NBPF14: variants seen among roughly 807,000 people sequenced by gnomAD.
NBPF14 encodes the protein NBPF member 14, also known as NBPF family member NBPF14.
A neutral mutation model predicts 91.2 loss-of-function variants in NBPF14; 104 were observed. The ratio of observed to expected loss-of-function variants is 1.14; its 90% CI spans 0.97 to 1.34. NBPF14 has a LOEUF of 1.34. NBPF14 is among the 40% of genes most tolerant of loss of function. The pLI is 0.00. For synonymous variants in NBPF14, 294 were observed against 303.8 expected, an observed-to-expected ratio of 0.97 and a Z score of 0.34; for missense variants, 908 against 783.0, an observed-to-expected ratio of 1.16 and a Z score of -1.91.
intron 14 of NBPF14, among the ~76,000 whole-genome samples, chr1:148,577,606 A>G (rs1205541530): frequency 7.3e-5 from 11 of 149,890 alleles, no homozygotes; most frequent in Non-Finnish European, 1.5e-4. Flanking sequence ...AGGTCAGTCA[A>G]TTGGTCAGGT....
intron 69 of NBPF14, among the ~76,000 whole-genome samples, 200 bp from the exon 70 acceptor site, chr1:148,534,169 G>C (rs1323940659): frequency 6.7e-6 from 1 of 148,770 alleles, no homozygotes; most frequent in Admixed American, 6.9e-5. Context: ...TGGGTAAAAT[G>C]TCCCTATTCT....
intron 60 of NBPF14, 96 bp downstream of exon 60, chr1:148,541,635 G>A: frequency 9.3e-5 from 1 of 10,722 alleles, no homozygotes; most frequent in Non-Finnish European, 1.4e-4. Flanking sequence ...TTCAGCCTTC[G>A]CTGAAAACAT....
intron 70 of NBPF14, among the ~76,000 whole-genome samples, chr1:148,533,456 G>C (rs1374025898): frequency 2.0e-5 from 3 of 149,918 alleles, no homozygotes; most frequent in African/African-American, 7.6e-5. Context: ...GAGAGAGAGA[G>C]ACAGAGACAG....
intron 28 of NBPF14, among the ~76,000 whole-genome samples, 185 bp from the exon 29 acceptor site, chr1:148,566,500 GA>G (rs1294139397): frequency 1.7e-5 from 2 of 120,148 alleles, no homozygotes; most frequent in African/African-American, 6.9e-5. Context: ...GAATGAAAGA[GA>G]AAGACAGACA....
At chr1:148,590,040 C>T (rs1200505977) in intron 6 of NBPF14, among the ~76,000 whole-genome samples, 60 of 76,308 alleles carry the variant, frequency 7.9e-4, no homozygotes, top group African/African-American at 2.7e-3. Context: ...CAGAGACTTA[C>T]TTTTTTTTTT....
At position 148,534,630 on chromosome 1, in the gene NBPF14, C is replaced by T. The variant is rs1322849997; in HGVS notation, c.8614+54G>A. ...AGGGCCACTTGGAATAGGAATATCA[C>T]CCCTATCTGGAAGACCAGGTGGAGG... On this transcript the variant is annotated intron_variant, in intron 69 of 70. Transcript: ENST00000619423. 2.7e-5 allele frequency: 24 copies of T among 895,154 alleles called. No individual in the cohort carries two copies. In the African/African-American group the frequency reaches 3.3e-4, roughly 12 times the overall value. The allele number at this position is 895,154 out of a possible 1,614,324, so 55.5% of individuals were successfully genotyped here.
At chr1:148,534,270 T>G (rs1553332118) in intron 69 of NBPF14, among the ~76,000 whole-genome samples, 1 of 151,730 alleles carries the variant, frequency 6.6e-6, no homozygotes, top group Admixed American at 6.6e-5. Flanking sequence ...ATACCCTCAA[T>G]GATTTCTAGG....
At position 148,586,702 on chromosome 1, in the gene NBPF14, T is replaced by C. The variant is rs1288861826; in HGVS notation, c.1092-233A>G. ...CTCGATGATGTTCCATTCATCTTTC[T>C]CTTCTGTAAACAAAAGTAGGTGTCT... On this transcript the variant is annotated intron_variant, in intron 8 of 70. Coordinates refer to ENST00000619423, the Ensembl canonical transcript of NBPF14. 4.1e-5 allele frequency among the ~76,000 whole-genome samples: 6 copies of C among 145,112 alleles called. 1 individual carries two copies. The highest frequency in any genetic ancestry group is 7.7e-5 in the Non-Finnish European group (5 of 65,022).
intron 16 of NBPF14, among the ~76,000 whole-genome samples, chr1:148,576,050 G>C (rs1263040606): frequency 1.4e-5 from 2 of 146,550 alleles, no homozygotes; most frequent in South Asian, 2.2e-4. Flanking sequence ...TCAGCGAATT[G>C]GCCGGGTGAC....
At chr1:148,533,546 C>A (rs1276065468) in intron 70 of NBPF14, among the ~76,000 whole-genome samples, 1 of 149,966 alleles carries the variant, frequency 6.7e-6, no homozygotes, top group Non-Finnish European at 1.5e-5. Flanking sequence ...AGTTAGTGCC[C>A]TCATGACACA....
At chr1:148,577,714 A>G (rs1436595213) in intron 14 of NBPF14, among the ~76,000 whole-genome samples, 75 of 135,946 alleles carry the variant, frequency 5.5e-4, no homozygotes, top group Non-Finnish European at 7.1e-4. Flanking sequence ...ATAATTTTGC[A>G]TAAAATGTGC....
At chr1:148,559,596 AAG>A (rs1486603246) in intron 37 of NBPF14, among the ~76,000 whole-genome samples, 195 bp downstream of exon 37, 3 of 123,948 alleles carry the variant, frequency 2.4e-5, no homozygotes, top group Admixed American at 2.4e-4. Context: ...TGAGACTAGG[AAG>A]AGAGCCTTGC....
intron 25 of NBPF14, among the ~76,000 whole-genome samples, chr1:148,568,928 A>G (rs1404633193): frequency 6.8e-6 from 1 of 146,582 alleles, no homozygotes; most frequent in Non-Finnish European, 1.5e-5. Context: ...CTGAAATTAG[A>G]GTGAAGGATG....
chr1:148,589,610 T>A lies in NBPF14; in HGVS notation c.779-217A>T. Reference sequence around the variant, plus strand: ...AACCAGGACATAAACACTTCTACACTTTTCTTGCTTATACGTTTCTATAAA... The same window carrying A: ...AACCAGGACATAAACACTTCTACACATTTCTTGCTTATACGTTTCTATAAA... On this transcript the variant is annotated intron_variant, in intron 6 of 70. Transcript: ENST00000619423. 6.9e-5 allele frequency among the ~76,000 whole-genome samples: 6 copies of A among 87,474 alleles called. 2 individuals carry two copies. The Middle Eastern group carries it at 0.025, about 368-fold the overall frequency. 57.4% of individuals were successfully genotyped at this position (87,474 alleles called of 152,430 possible). A position where few individuals can be genotyped will look rare whatever the true frequency, so the allele number is the denominator to read the frequency against.
intron 68 of NBPF14, among the ~76,000 whole-genome samples, 152 bp from the exon 69 acceptor site, chr1:148,535,008 T>A (rs1384784275): frequency 2.0e-5 from 3 of 147,112 alleles, no homozygotes; most frequent in Admixed American, 6.7e-5. Flanking sequence ...TATGTTGGGA[T>A]AGACCAGGGC....
rs1459046964 is a variant in NBPF14, at chr1:148,536,046, A to T, written c.8389+178T>A. Among the ~76,000 whole-genome samples, 12 of 149,826 alleles carry T rather than the reference A, an allele frequency of 8.0e-5. No individual in the cohort carries two copies. In the South Asian group the frequency reaches 1.3e-3, roughly 16 times the overall value. ...ACTAGGAAGAGAGCCTTGCTCACTG[A>T]CCCATCCCTTGTCTGGGCTTCCAAG... On this transcript the variant is annotated intron_variant, in intron 67 of 70. Transcript: ENST00000619423.
At chr1:148,577,695 A>C (rs1248581101) in intron 14 of NBPF14, among the ~76,000 whole-genome samples, 20 of 146,624 alleles carry the variant, frequency 1.4e-4, no homozygotes, top group Non-Finnish European at 2.4e-4. Context: ...CATGAAAAGC[A>C]TGTCCTCAAT....
chr1:148,592,805 G>A, intron 3 of NBPF14, 39 bp from the exon 4 acceptor site: 6 of 1,382,366 alleles, frequency 4.3e-6, no homozygotes, highest in Non-Finnish European at 6.1e-6. Flanking sequence ...GAGTAGAAAG[G>A]GTTGAGTGAT....
chr1:148,592,743 G>C (rs1662702758), exon 4 of NBPF14: 2 of 1,585,308 alleles, frequency 1.3e-6, no homozygotes, highest in Non-Finnish European at 1.7e-6. Flanking sequence ...TCGTTCCTGA[G>C]AGTGAACCAG....
Sources: allele counts gnomAD v4.1 joint callset (sites outside exome capture counted in the v4.1 genomes callset), GRCh38; gene constraint gnomAD v4.1.1; transcripts MANE v1.5; gene names NCBI Gene and HGNC (gene_info 2026-07-23, HGNC 2026-07-21).